TRMT11: variants seen among roughly 807,000 people sequenced by gnomAD.
The protein encoded by TRMT11 is tRNA methyltransferase 11, also known as tRNA (guanine(10)-N(2))-methyltransferase TRMT11.
In TRMT11, 53 loss-of-function variants were observed where a neutral mutation model predicts 62.8. The observed-to-expected ratio is 0.84, with a 90% CI of 0.68 to 1.06. The LOEUF is 1.06. TRMT11 is among the 50% of genes least tolerant of loss of function. The pLI is 0.00. For missense variants in TRMT11, 556 were observed against 553.4 expected, an observed-to-expected ratio of 1.00 and a Z score of -0.05; for synonymous variants, 188 against 190.3, an observed-to-expected ratio of 0.99 and a Z score of 0.10.
At chr6:126,047,492 C>A (rs953664005) in intron 16 of TRMT11, among the ~76,000 whole-genome samples, 1 of 151,996 alleles carries the variant, frequency 6.6e-6, no homozygotes, top group Non-Finnish European at 1.5e-5. Flanking sequence ...AGAGCCACCT[C>A]TACCACTCAG....
chr6:126,061,996 C>A (rs1776548551), intron 17 of TRMT11, among the ~76,000 whole-genome samples: 1 of 152,214 alleles, frequency 6.6e-6, no homozygotes, highest in South Asian at 2.1e-4. Context: ...GATCCCACCT[C>A]AGCCTCTTGA....
chr6:126,091,120 T>G, intron 17 of TRMT11, among the ~76,000 whole-genome samples: 2 of 148,590 alleles, frequency 1.3e-5, no homozygotes. Flanking sequence ...TGGCAGGGGG[T>G]GTGGCTGAGG....
intron 17 of TRMT11, among the ~76,000 whole-genome samples, chr6:126,054,405 T>C (rs1329411175): frequency 6.6e-6 from 1 of 152,202 alleles, no homozygotes; most frequent in African/African-American, 2.4e-5. Context: ...CCAGTTACAC[T>C]GTGGTAAGAG....
intron 7 of TRMT11, 79 bp from the exon 8 acceptor site, chr6:126,008,313 A>G: frequency 8.5e-7 from 1 of 1,176,080 alleles, no homozygotes; most frequent in East Asian, 2.3e-5. Context: ...CTAGTTTCTA[A>G]GACTGGATGA....
chr6:126,146,872 A>C (rs1777981365), intron 21 of TRMT11, among the ~76,000 whole-genome samples: 1 of 38,604 alleles, frequency 2.6e-5, no homozygotes, highest in African/African-American at 1.2e-4. Flanking sequence ...TACTGATATT[A>C]CTAAATTATT....
chr6:126,052,860 G>T (rs1365932601), intron 16 of TRMT11, among the ~76,000 whole-genome samples: 1 of 152,130 alleles, frequency 6.6e-6, no homozygotes, highest in Non-Finnish European at 1.5e-5. Context: ...CCATGTTTTT[G>T]CCTCCAGTCT....
At chr6:126,048,374 A>G (rs1302406313) in intron 16 of TRMT11, among the ~76,000 whole-genome samples, 1 of 152,168 alleles carries the variant, frequency 6.6e-6, no homozygotes, top group Non-Finnish European at 1.5e-5. Context: ...TTATGTTTTT[A>G]CTGACTGTTA....
intron 1 of TRMT11, among the ~76,000 whole-genome samples, chr6:126,180,274 A>G (rs1164002072): frequency 6.6e-6 from 1 of 152,200 alleles, no homozygotes; most frequent in African/African-American, 2.4e-5. Context: ...AGTATATTTT[A>G]TGCCATTCAA....
intron 17 of TRMT11, among the ~76,000 whole-genome samples, chr6:126,061,470 G>C (rs1776533576): frequency 6.6e-6 from 1 of 150,610 alleles, no homozygotes; most frequent in Non-Finnish European, 1.5e-5. Context: ...GTAAATTGCT[G>C]TTTTAAATTC....
At chr6:126,079,902 C>T (rs752269683) in intron 17 of TRMT11, among the ~76,000 whole-genome samples, 1 of 152,148 alleles carries the variant, frequency 6.6e-6, no homozygotes, top group Admixed American at 6.6e-5. Flanking sequence ...AGTAGCAGCA[C>T]TGATCCACCA....
chr6:125,999,489 A>G lies in TRMT11; in HGVS notation c.555A>G (p.Ser185=). The change falls in exon 7 of 13, where the codon TCA becomes TCG. Residue 185 remains serine, a synonymous_variant. Coordinates refer to ENST00000334379, the MANE Select transcript of TRMT11 (RefSeq NM_001031712.3). ...ATGGACAGAGAGAGCTTATTGAGTC[A>G]TACAGTGTCAAAAAGAGACACTTTA... The part of the protein sequence containing the change: ...IADGQRELIE[S]YSVKKRHFIG... 6.2e-7 allele frequency: 1 copy of G among 1,610,704 alleles called. No individual in the cohort carries two copies. The highest frequency in any genetic ancestry group is 2.2e-5 in the East Asian group (1 of 44,716).
chr6:126,209,305 T>C, the TRMT11 span, among the ~76,000 whole-genome samples: 1 of 152,298 alleles, frequency 6.6e-6, no homozygotes, highest in Non-Finnish European at 1.5e-5. Context: ...ACTAGGTCTT[T>C]TCTAACTTTT....
At chr6:125,993,504 T>C (rs1790970702) in intron 1 of TRMT11, among the ~76,000 whole-genome samples, 1 of 152,182 alleles carries the variant, frequency 6.6e-6, no homozygotes, top group South Asian at 2.1e-4. Context: ...CTTTCCAAAA[T>C]CAGGGAATTT....
intron 11 of TRMT11, among the ~76,000 whole-genome samples, chr6:126,016,042 T>C (rs546678103): frequency 4.6e-5 from 7 of 152,344 alleles, no homozygotes; most frequent in Non-Finnish European, 1.0e-4. Flanking sequence ...ATCATTTTCT[T>C]CTTTGATTTG....
At chr6:126,269,358 C>T in the TRMT11 span, among the ~76,000 whole-genome samples, 1 of 151,134 alleles carries the variant, frequency 6.6e-6, no homozygotes, top group Non-Finnish European at 1.5e-5. Flanking sequence ...CAAAATACAC[C>T]TCTATACTGT....
At chr6:126,213,855 C>A in the TRMT11 span, among the ~76,000 whole-genome samples, 1 of 152,112 alleles carries the variant, frequency 6.6e-6, no homozygotes, top group East Asian at 1.9e-4. Flanking sequence ...TTTATTCTTT[C>A]CCATTTGGGA....
chr6:126,237,225 G>T, the TRMT11 span, among the ~76,000 whole-genome samples: 1 of 152,122 alleles, frequency 6.6e-6, no homozygotes, highest in Admixed American at 6.5e-5. Flanking sequence ...TTAGATCCTT[G>T]TATCTCCCTT....
the TRMT11 span, among the ~76,000 whole-genome samples, chr6:126,257,577 GGTA>G: frequency 6.6e-6 from 1 of 152,116 alleles, no homozygotes; most frequent in Non-Finnish European, 1.5e-5. Context: ...GAGAAGCACT[GGTA>G]GTAGTTCTTC....
At chr6:126,151,859 T>TTTCTTTCTTTCTTTCC (rs1778053667) in intron 21 of TRMT11, among the ~76,000 whole-genome samples, 3 of 132,438 alleles carry the variant, frequency 2.3e-5, no homozygotes, top group Non-Finnish European at 4.8e-5. Flanking sequence ...TCTTTCTTTC[T>TTTCTTTCTTTCTTTCC]TTCTTTCCTT....
Sources: gnomAD v4.1 joint callset for allele counts (sites outside exome capture counted in the v4.1 genomes callset) on GRCh38, gnomAD v4.1.1 for gene constraint, MANE v1.5 for transcripts, NCBI Gene and HGNC (gene_info 2026-07-23, HGNC 2026-07-21) for gene names.